Variants in UBE3B observed in about 807,000 individuals in gnomAD.
UBE3B encodes ubiquitin protein ligase E3B, also known as ubiquitin-protein ligase E3B.
UBE3B carries 80 observed loss-of-function variants against 132.3 expected under a neutral mutation model. The observed-to-expected ratio is 0.60, with a 90% CI of 0.50 to 0.73. The LOEUF (loss-of-function observed/expected upper bound fraction) is 0.73, where lower values mean the gene tolerates loss of function less well. Ranked by LOEUF, UBE3B falls within the 30% of genes least tolerant of loss-of-function variation. The pLI, the probability that UBE3B is intolerant of heterozygous loss-of-function variation, is 0.00. For missense variants in UBE3B, 1,196 were observed against 1,362.5 expected (o/e 0.88, Z 1.92); for synonymous variants, 487 against 520.4 (o/e 0.94, Z 0.87).
At chr12:109,512,650 TC>T (rs796480757) in intron 18 of UBE3B, among the ~76,000 whole-genome samples, 74 of 152,352 alleles carry the variant, frequency 4.9e-4, no homozygotes, top group African/African-American at 1.7e-3. Context: ...AAATTAAATC[TC>T]ATTTTTCAGA....
At chr12:109,494,687 C>T (rs1008610335) in intron 9 of UBE3B, among the ~76,000 whole-genome samples, 16 of 152,160 alleles carry the variant, frequency 1.1e-4, no homozygotes, top group African/African-American at 2.9e-4. Context: ...CTGGGGAAAT[C>T]GGTAATAAGA....
intron 19 of UBE3B, 134 bp downstream of exon 19, chr12:109,517,018 A>G (rs983143231): frequency 2.2e-6 from 3 of 1,358,242 alleles, no homozygotes; most frequent in Non-Finnish European, 2.9e-6. Flanking sequence ...TGGGAGCAGG[A>G]AAGGGGTCAT....
chr12:109,488,530 A>G (rs776878584), intron 6 of UBE3B, 42 bp from the exon 7 acceptor site: 2 of 1,557,076 alleles, frequency 1.3e-6, no homozygotes, highest in South Asian at 2.2e-5. Context: ...GTCTGGAATC[A>G]GAAGACGTGT....
chr12:109,502,991 G>C (rs760286478), intron 13 of UBE3B, 32 bp from the exon 14 acceptor site: 3 of 1,613,672 alleles, frequency 1.9e-6, no homozygotes, highest in Non-Finnish European at 2.5e-6. Context: ...TGGCTGAGCT[G>C]CTGCTCACAT....
chr12:109,533,696 G>C, intron 27 of UBE3B, 138 bp downstream of exon 27: 1 of 931,184 alleles, frequency 1.1e-6, no homozygotes, highest in Non-Finnish European at 1.7e-6. Flanking sequence ...AAGTGAGGAG[G>C]GCCCCACAGT....
chr12:109,487,319 C>T (rs1876674494), intron 6 of UBE3B, among the ~76,000 whole-genome samples: 1 of 152,236 alleles, frequency 6.6e-6, no homozygotes, highest in Non-Finnish European at 1.5e-5. Flanking sequence ...CAGACATACA[C>T]AGGAGCCACT....
At position 109,498,335 on chromosome 12, in the gene UBE3B, C is replaced by T; in HGVS notation, c.922C>T (p.His308Tyr). The T allele has an allele frequency of 6.2e-7, 1 of 1,614,000 alleles. No homozygotes were observed. Among genetic ancestry groups the T allele is most frequent in the Non-Finnish European group, 8.5e-7 (1 of 1,179,930 alleles). The change falls in exon 11 of 28, where the codon CAT becomes TAT. Residue 308 changes from histidine (H) to tyrosine (Y), a missense_variant. Physicochemically the swap from His to Tyr is moderately conservative, Grantham distance 83. Transcript: ENST00000342494. ...TGTATGTGAAAGTTTAGAAGGATGC[C>T]ATACGCTTTGTCTAATGGGTAAGTA... ...RDVCESLEGC[H>Y]TLCLMGNLLH...
intron 2 of UBE3B, among the ~76,000 whole-genome samples, chr12:109,482,391 A>G (rs1875627557): frequency 6.6e-6 from 1 of 152,048 alleles, no homozygotes; most frequent in Non-Finnish European, 1.5e-5. Flanking sequence ...ATGTGGGCCC[A>G]TTGTTTTGCT....
intron 13 of UBE3B, among the ~76,000 whole-genome samples, chr12:109,502,779 G>C (rs1879160000): frequency 6.6e-6 from 1 of 152,194 alleles, no homozygotes; most frequent in Non-Finnish European, 1.5e-5. Flanking sequence ...TGTAAGATTT[G>C]AATATGCCTG....
the UBE3B span, among the ~76,000 whole-genome samples, chr12:109,542,649 G>A: frequency 1.1e-4 from 16 of 152,256 alleles, no homozygotes; most frequent in Non-Finnish European, 1.8e-4. Flanking sequence ...GAGAGGACTC[G>A]GCCATGTGAA....
intron 9 of UBE3B, among the ~76,000 whole-genome samples, chr12:109,496,202 G>A (rs553347243): frequency 2.2e-4 from 33 of 152,226 alleles, no homozygotes; most frequent in African/African-American, 7.5e-4. Context: ...TTCACTTTGC[G>A]TAATATAATC....
In UBE3B at chr12:109,507,436, AC is replaced by A. The variant is rs529334996; in HGVS notation, c.1451-126del. ...TGATAATGCTTTTCTCCATAATCCC[AC>A]CTTCTTTTCACGCACATTAAATGTT... On this transcript the variant is annotated intron_variant, in intron 14 of 27. Coordinates refer to ENST00000342494, the MANE Select transcript of UBE3B (RefSeq NM_130466.4). 6.2e-4 allele frequency: 640 copies of A among 1,025,702 alleles called. 5 individuals carry two copies. In the African/African-American group the frequency reaches 9.8e-3, roughly 16 times the overall value. The allele number at this position is 1,025,702 out of a possible 1,614,324, so 63.5% of individuals were successfully genotyped here. A position where few individuals can be genotyped will look rare whatever the true frequency, so the allele number is the denominator to read the frequency against.
chr12:109,502,386 T>G (rs1183621993), intron 13 of UBE3B, among the ~76,000 whole-genome samples: 3 of 152,226 alleles, frequency 2.0e-5, no homozygotes, highest in Non-Finnish European at 4.4e-5. Flanking sequence ...AGGTTCTCGT[T>G]GCACGCTCTT....
At chr12:109,494,497 T>C (rs1183102454) in intron 9 of UBE3B, among the ~76,000 whole-genome samples, 1 of 152,132 alleles carries the variant, frequency 6.6e-6, no homozygotes, top group Non-Finnish European at 1.5e-5. Flanking sequence ...CTCTGAGCTC[T>C]CTGTTAGCAG....
intron 19 of UBE3B, chr12:109,520,538 A>C (rs1881579010): frequency 6.6e-6 from 1 of 152,644 alleles, no homozygotes; most frequent in Admixed American, 6.5e-5. Flanking sequence ...GATCCCTGCC[A>C]TCCACCTGCT....
In UBE3B at chr12:109,488,633, CAG is replaced by C; in HGVS notation, c.511_512del (p.Asp171HisfsTer12). ...TACCTCACGATGCTTGTCACCTTCA[CAG>C]ACACTTCAACGTGGAAAATTCTTCG... On this transcript the variant is annotated frameshift_variant, in exon 7 of 28. Coordinates refer to ENST00000342494, the MANE Select transcript of UBE3B (RefSeq NM_130466.4). LOFTEE classifies it high-confidence loss of function. 1.2e-6 allele frequency: 2 copies of C among 1,614,194 alleles called. No individual in the cohort carries two copies. Among genetic ancestry groups the C allele is most frequent in the Non-Finnish European group, 1.7e-6 (2 of 1,180,018 alleles).
downstream of UBE3B, among the ~76,000 whole-genome samples, chr12:109,538,157 G>A (rs1883521964): frequency 6.6e-6 from 1 of 152,264 alleles, no homozygotes; most frequent in South Asian, 2.1e-4. This position sits in a 1 kb window ranked among gnomAD's most constrained non-coding sequence, Gnocchi z 4.1. Flanking sequence ...AGCTGGAACA[G>A]AGTTTGAGAA....
Position 109,497,929 on chromosome 12 carries a change from C to T in UBE3B, c.819+6C>T. The T allele has an allele frequency of 1.2e-6, 2 of 1,613,900 alleles. No individual in the cohort carries two copies. Among genetic ancestry groups the T allele is most frequent in the Middle Eastern group, 1.7e-4 (1 of 6,058 alleles). On this transcript the variant is annotated splice_donor_region_variant and intron_variant, in intron 10 of 27. Coordinates refer to ENST00000342494, the MANE Select transcript of UBE3B (RefSeq NM_130466.4). ...TCAGCACAGTGACCCCTGAGGTAAG[C>T]AGGCTCTGTGAGTTCCCCGTGAAAA... is the stretch of plus-strand genomic sequence containing the variant.
chr12:109,497,342 A>G (rs1037962035), intron 9 of UBE3B, among the ~76,000 whole-genome samples: 3 of 151,870 alleles, frequency 2.0e-5, no homozygotes, highest in Non-Finnish European at 2.9e-5. Flanking sequence ...ATGTGTATAT[A>G]TTGTGTATCT....
Sources: gnomAD v4.1 joint callset for allele counts (sites outside exome capture counted in the v4.1 genomes callset) on GRCh38, gnomAD v4.1.1 for gene constraint, Gnocchi (gnomAD v3.1) non-coding constraint, MANE v1.5 for transcripts, NCBI Gene and HGNC (gene_info 2026-07-23, HGNC 2026-07-21) for gene names.